SLC4A4: variants seen among roughly 807,000 people sequenced by gnomAD.
SLC4A4 encodes electrogenic sodium bicarbonate cotransporter 1.
Under a neutral mutation model 111.5 loss-of-function variants are expected in SLC4A4, and 27 were observed. The observed-to-expected ratio is 0.24, with a 90% CI of 0.18 to 0.33. The LOEUF is 0.33. Ranked by LOEUF, SLC4A4 falls within the 10% of genes least tolerant of loss-of-function variation. The pLI is 1.00. For synonymous variants in SLC4A4, 443 were observed against 463.4 expected (o/e 0.96, Z 0.57); for missense variants, 909 against 1,315.5 (o/e 0.69, Z 4.78).
In SLC4A4 at chr4:71,571,212, G is replaced by A. The variant is rs149359243; in HGVS notation, c.*3461G>A. ...TTAAAAACAAAATGAAATAATTTGA[G>A]TTGTATTACAGAGGTTGACATTGTT... On this transcript the variant is annotated 3_prime_UTR_variant, in exon 26 of 26. Coordinates refer to ENST00000264485, the MANE Select transcript of SLC4A4 (RefSeq NM_001098484.3). 2.0e-5 allele frequency: 3 copies of A among 152,228 alleles called. No homozygotes were observed. The highest frequency in any genetic ancestry group is 7.2e-5 in the African/African-American group (3 of 41,386). 9.4% of individuals were successfully genotyped at this position (152,228 alleles called of 1,614,324 possible). A position where few individuals can be genotyped will look rare whatever the true frequency, so the allele number is the denominator to read the frequency against.
rs1250644788 is a variant in SLC4A4, at chr4:71,106,688, C to G, written c.-2+13896C>G. On this transcript the variant is annotated intron_variant, in intron 2 of 26. Transcript: ENST00000649996. The stretch of plus-strand genomic sequence containing the variant: ...TATTGCAAGAACAAAAAACCAAACA[C>G]CGCATATTCTCACTCATAGGTGGGA... Among the ~76,000 whole-genome samples the G allele has an allele frequency of 1.4e-4, 20 of 144,416 alleles. 1 individual carries two copies. In the South Asian group the frequency reaches 4.5e-3, roughly 32 times the overall value. 94.7% of individuals were successfully genotyped at this position (144,416 alleles called of 152,430 possible). A position where few individuals can be genotyped will look rare whatever the true frequency, so the allele number is the denominator to read the frequency against.
At chr4:71,118,112 G>A (rs997298690) in intron 2 of SLC4A4, among the ~76,000 whole-genome samples, 1 of 152,090 alleles carries the variant, frequency 6.6e-6, no homozygotes, top group South Asian at 2.1e-4. Flanking sequence ...CCGACCTCAG[G>A]TGATCTGCCC....
rs1166340534 is a variant in SLC4A4, at chr4:71,493,957, ATGAC to A, written c.1975-3542_1975-3539del. Among the ~76,000 whole-genome samples the A allele has an allele frequency of 1.6e-4, 24 of 151,990 alleles. 1 individual carries two copies. The highest frequency in any genetic ancestry group is 5.6e-4 in the African/African-American group (23 of 41,404). ...TGTACTTTTTTTACCCATCACTCTG[ATGAC>A]TTTTTCATAGTGTTTTGTGGTATCT... On this transcript the variant is annotated intron_variant, in intron 15 of 25. Coordinates refer to ENST00000264485, the MANE Select transcript of SLC4A4 (RefSeq NM_001098484.3).
At chr4:71,313,313 T>C (rs1224166515) in intron 3 of SLC4A4, among the ~76,000 whole-genome samples, 1 of 152,196 alleles carries the variant, frequency 6.6e-6, no homozygotes, top group Non-Finnish European at 1.5e-5. Context: ...TCCATGCTCA[T>C]GGATACAAGA....
chr4:71,483,593 T>G (rs1729088094), intron 14 of SLC4A4, among the ~76,000 whole-genome samples: 1 of 152,020 alleles, frequency 6.6e-6, no homozygotes, highest in African/African-American at 2.4e-5. Flanking sequence ...GTTAAGTTGA[T>G]TCTATGTTTT....
At chr4:71,404,411 G>A (rs1040248720) in intron 7 of SLC4A4, among the ~76,000 whole-genome samples, 2 of 152,184 alleles carry the variant, frequency 1.3e-5, no homozygotes, top group African/African-American at 2.4e-5. Flanking sequence ...ATTGAACTCC[G>A]ATTGCACTGC....
chr4:71,569,840 C>A lies in SLC4A4; in HGVS notation c.*2089C>A, dbSNP rs919856526. 3.3e-5 allele frequency: 5 copies of A among 151,644 alleles called. No individual in the cohort carries two copies. The highest frequency in any genetic ancestry group is 1.2e-4 in the African/African-American group (5 of 41,360). 9.4% of individuals were successfully genotyped at this position (151,644 alleles called of 1,614,324 possible). A position where few individuals can be genotyped will look rare whatever the true frequency, so the allele number is the denominator to read the frequency against. On this transcript the variant is annotated 3_prime_UTR_variant, in exon 26 of 26. Transcript: ENST00000264485. The stretch of plus-strand genomic sequence containing the variant: ...ATACTCCTAAAACTTTTAACTTATA[C>A]AAATTAGTCAATAATGACCCCAATT...
At position 71,547,693 on chromosome 4, in the gene SLC4A4, G is replaced by A. The variant is rs764453027; in HGVS notation, c.2667G>A (p.Leu889=). The change falls in exon 20 of 26, where the codon CTG becomes CTA. Residue 889 remains leucine, a synonymous_variant. Transcript: ENST00000264485. ...TGTLVFILTG[L]SVFMAPILKF... is the part of the protein sequence containing the mutation. ...CCCTTGTGTTTATTCTGACTGGTCT[G>A]TCAGTCTTTATGGCTCCCATCTTGA... is the stretch of plus-strand genomic sequence containing the variant. 6 of 1,611,958 alleles carry A rather than the reference G, an allele frequency of 3.7e-6. No individual in the cohort carries two copies. The highest frequency in any genetic ancestry group is 5.1e-6 in the Non-Finnish European group (6 of 1,178,558).
At position 71,534,307 on chromosome 4, in the gene SLC4A4, G is replaced by A. The variant is rs369120685; in HGVS notation, c.2361G>A (p.Pro787=). 74 of 1,613,612 alleles carry A rather than the reference G, an allele frequency of 4.6e-5. 1 individual carries two copies. In the African/African-American group the frequency reaches 4.7e-4, roughly 10 times the overall value. The change falls in exon 18 of 26, where the codon CCG becomes CCA. Residue 787 remains proline (P), a synonymous_variant. Coordinates refer to ENST00000264485, the MANE Select transcript of SLC4A4 (RefSeq NM_001098484.3). Reference sequence around the variant, plus strand: ...GGGTGTGCCTTGCTGCTGCTATCCCGGCTTTGTTGGTCACTATACTGATTT... The same window carrying A: ...GGGTGTGCCTTGCTGCTGCTATCCCAGCTTTGTTGGTCACTATACTGATTT... ...PWWVCLAAAI[P]ALLVTILIFM...
chr4:71,502,655 A>C (rs1356906998), intron 16 of SLC4A4, among the ~76,000 whole-genome samples: 2 of 152,266 alleles, frequency 1.3e-5, no homozygotes, highest in South Asian at 2.1e-4. Context: ...AGTTTTCCTT[A>C]TTGTTGATTT....
intron 18 of SLC4A4, among the ~76,000 whole-genome samples, chr4:71,539,153 T>G (rs1734826129): frequency 1.3e-5 from 2 of 152,148 alleles, no homozygotes; most frequent in African/African-American, 4.8e-5. Context: ...ATTTTTGCCC[T>G]ACTTTCATTT....
At chr4:71,535,133 G>A (rs1048140996) in intron 18 of SLC4A4, among the ~76,000 whole-genome samples, 1 of 152,044 alleles carries the variant, frequency 6.6e-6, no homozygotes, top group Admixed American at 6.6e-5. Flanking sequence ...TATGAGCCAG[G>A]CCATCTTCTA....
chr4:71,531,026 C>G (rs1436297367), intron 16 of SLC4A4, among the ~76,000 whole-genome samples: 1 of 152,112 alleles, frequency 6.6e-6, no homozygotes, highest in Non-Finnish European at 1.5e-5. Context: ...GTTTTATTTA[C>G]TGTGGTATCC....
chr4:71,274,717 C>G (rs1722949544), intron 3 of SLC4A4, among the ~76,000 whole-genome samples: 4 of 152,134 alleles, frequency 2.6e-5, no homozygotes, highest in Admixed American at 2.6e-4. Context: ...TTTACTAGCT[C>G]TTTGACTTTT....
intron 1 of SLC4A4, among the ~76,000 whole-genome samples, chr4:71,196,878 A>T (rs1222016584): frequency 7.0e-6 from 1 of 143,652 alleles, no homozygotes; most frequent in East Asian, 2.1e-4. Context: ...AAAAAAATGC[A>T]GACAGACCAG....
intron 7 of SLC4A4, among the ~76,000 whole-genome samples, chr4:71,436,706 G>T (rs1724180395): frequency 6.6e-6 from 1 of 152,190 alleles, no homozygotes; most frequent in Admixed American, 6.5e-5. Context: ...TGGATTTCTA[G>T]ATTCATTTAA....
At chr4:71,202,400 C>T (rs990069478) in intron 1 of SLC4A4, among the ~76,000 whole-genome samples, 1 of 152,114 alleles carries the variant, frequency 6.6e-6, no homozygotes, top group African/African-American at 2.4e-5. Flanking sequence ...AATGACTCAC[C>T]CTTCCCCCAC....
intron 7 of SLC4A4, among the ~76,000 whole-genome samples, chr4:71,430,013 C>T (rs924782625): frequency 6.6e-6 from 1 of 151,994 alleles, no homozygotes; most frequent in Non-Finnish European, 1.5e-5. Context: ...TTAGCCATTA[C>T]TTTTCCTTTA....
intron 2 of SLC4A4, among the ~76,000 whole-genome samples, chr4:71,141,176 C>T (rs1309944514): frequency 6.6e-6 from 1 of 152,174 alleles, no homozygotes; most frequent in African/African-American, 2.4e-5. Context: ...CTCCCCATTC[C>T]CCAGCCTCTG....
Sources: allele counts gnomAD v4.1 joint callset (sites outside exome capture counted in the v4.1 genomes callset), GRCh38; gene constraint gnomAD v4.1.1; transcripts MANE v1.5; gene names NCBI Gene and HGNC (gene_info 2026-07-23, HGNC 2026-07-21).